The following DNAI7 variants were observed in gnomAD, a reference collection of about 807,000 sequenced individuals.
DNAI7 encodes cancer susceptibility 1.
In DNAI7, 78 loss-of-function variants were observed where a neutral mutation model predicts 86.6. The ratio of observed to expected loss-of-function variants is 0.90; its 90% CI spans 0.75 to 1.09. DNAI7 has a LOEUF of 1.09. DNAI7 is among the 50% of genes least tolerant of loss of function. The pLI is 0.00. For synonymous variants in DNAI7, 274 were observed against 273.0 expected (o/e 1.00, Z -0.04); for missense variants, 753 against 810.2 (o/e 0.93, Z 0.86).
intron 2 of DNAI7, among the ~76,000 whole-genome samples, chr12:25,174,489 C>CATATATATGGGATAT: frequency 1.4e-4 from 2 of 14,084 alleles, no homozygotes; most frequent in Non-Finnish European, 3.1e-4. Context: ...ATATATATAT[C>CATATATATGGGATAT]ATATATCCCA....
At chr12:25,164,331 G>A (rs368921886) in intron 2 of DNAI7, among the ~76,000 whole-genome samples, 27 of 151,560 alleles carry the variant, frequency 1.8e-4, no homozygotes, top group East Asian at 3.9e-4. Context: ...TTTCTGGGGC[G>A]CAAGAACCCC....
chr12:25,157,322 A>G (rs572281632), intron 4 of DNAI7, among the ~76,000 whole-genome samples: 19 of 151,768 alleles, frequency 1.3e-4, no homozygotes, highest in African/African-American at 3.9e-4. Flanking sequence ...ATCAAAGAAG[A>G]ATATCCACAA....
At chr12:25,190,687 A>G in intron 1 of DNAI7, 56 bp from the exon 2 acceptor site, 2 of 1,024,712 alleles carry the variant, frequency 2.0e-6, no homozygotes, top group Non-Finnish European at 1.4e-6. Flanking sequence ...CTGATACAAA[A>G]GTATCATGAT....
chr12:25,121,660 G>A, intron 11 of DNAI7, 93 bp downstream of exon 11: 4 of 1,061,238 alleles, frequency 3.8e-6, no homozygotes, highest in Non-Finnish European at 4.1e-6. Flanking sequence ...TGTTTAATAA[G>A]GTTAAAGCTT....
intron 13 of DNAI7, among the ~76,000 whole-genome samples, chr12:25,113,961 T>TC (rs1939535096): frequency 6.7e-6 from 1 of 148,932 alleles, no homozygotes. Context: ...TTTTTTTTTT[T>TC]TTGAGACAGA....
In DNAI7 at chr12:25,161,138, C is replaced by A. The variant is rs1197847921; in HGVS notation, c.81G>T (p.Glu27Asp). Residue 27 changes from glutamate to aspartate, a missense_variant, in exon 3 of 16, where the codon GAG becomes GAT. Physicochemically the swap from Glu to Asp is conservative, Grantham distance 45. Transcript: ENST00000395987. ...CTTCCTCTTTCAGTCGTCTCTCCTC[C>A]TCCTCTTGTAGCAGCTTCAATCGTT... ...KAERLKLLQE[E>D]EERRLKEEEE... The A allele has an allele frequency of 1.2e-6, 2 of 1,613,804 alleles. No individual in the cohort carries two copies. Among genetic ancestry groups the A allele is most frequent in the African/African-American group, 2.7e-5 (2 of 75,026 alleles).
At position 25,147,154 on chromosome 12, in the gene DNAI7, A is replaced by G. The variant is rs766550426; in HGVS notation, c.586-50T>C. On this transcript the variant is annotated intron_variant, in intron 7 of 15. Coordinates refer to ENST00000395987, the MANE Select transcript of DNAI7 (RefSeq NM_018272.5). ...TAAAGGGCCACAGGCCTCATAAATT[A>G]TACAAATTAGATAAGTTACTTTATC... is the stretch of plus-strand genomic sequence containing the variant. 4.4e-6 allele frequency: 4 copies of G among 901,780 alleles called. No homozygotes were observed. In the East Asian group the frequency reaches 9.7e-5, roughly 22 times the overall value. 55.9% of individuals were successfully genotyped at this position (901,780 alleles called of 1,614,324 possible). A position where few individuals can be genotyped will look rare whatever the true frequency, so the allele number is the denominator to read the frequency against.
chr12:25,143,001 A>G (rs1944389759), intron 9 of DNAI7, among the ~76,000 whole-genome samples: 1 of 152,088 alleles, frequency 6.6e-6, no homozygotes, highest in Non-Finnish European at 1.5e-5. Flanking sequence ...GAGAGTTCAC[A>G]TGAAATTTTT....
intron 2 of DNAI7, among the ~76,000 whole-genome samples, chr12:25,166,361 T>TC (rs1947465323): frequency 6.6e-6 from 1 of 152,036 alleles, no homozygotes; most frequent in African/African-American, 2.4e-5. Flanking sequence ...CCTCAATACC[T>TC]CCCTCCACAA....
chr12:25,157,316 A>G (rs968780421), intron 4 of DNAI7, among the ~76,000 whole-genome samples: 25 of 152,054 alleles, frequency 1.6e-4, no homozygotes, highest in African/African-American at 6.0e-4. Context: ...TACAGTATCA[A>G]AGAAGAATAT....
At chr12:25,152,823 G>A (rs1170373496) in intron 6 of DNAI7, among the ~76,000 whole-genome samples, 1 of 152,152 alleles carries the variant, frequency 6.6e-6, no homozygotes, top group Non-Finnish European at 1.5e-5. Context: ...TGGATAATTG[G>A]TTGGTGTGAG....
At chr12:25,108,945 A>G in intron 15 of DNAI7, 122 bp from the exon 16 acceptor site, 1 of 602,412 alleles carries the variant, frequency 1.7e-6, no homozygotes, top group Non-Finnish European at 2.8e-6. Context: ...TAAAAGAAAC[A>G]GTCTATGTGT....
intron 15 of DNAI7, among the ~76,000 whole-genome samples, chr12:25,109,674 A>T (rs1259083721): frequency 6.6e-6 from 1 of 152,178 alleles, no homozygotes; most frequent in African/African-American, 2.4e-5. Flanking sequence ...ATTTTTGACA[A>T]AAAATTTGAA....
chr12:25,116,432 CTGAAGT>C (rs1387592073), intron 12 of DNAI7, among the ~76,000 whole-genome samples: 16 of 152,046 alleles, frequency 1.1e-4, no homozygotes, highest in African/African-American at 3.6e-4. Flanking sequence ...TTTCTAATTA[CTGAAGT>C]TGTAGAGTGA....
chr12:25,115,150 C>T (rs1939814330), intron 12 of DNAI7, among the ~76,000 whole-genome samples: 1 of 152,178 alleles, frequency 6.6e-6, no homozygotes, highest in African/African-American at 2.4e-5. Context: ...TTTTCAGCCC[C>T]ACTTTTTTCT....
chr12:25,151,198 G>A (rs991328864), intron 6 of DNAI7, among the ~76,000 whole-genome samples: 17 of 152,150 alleles, frequency 1.1e-4, no homozygotes, highest in African/African-American at 4.1e-4. Context: ...GGGGTCTTGG[G>A]CAAGTTATTG....
At position 25,144,480 on chromosome 12, in the gene DNAI7, T is replaced by C; in HGVS notation, c.887A>G (p.Lys296Arg). ...LVKDDVKNVE[K>R]AISKEVEEES... ...TTCTTCGACCTCCTTGCTGATTGCT[T>C]TTTCTACATTCTTAACATCATCTTT... is the stretch of plus-strand genomic sequence containing the variant. The change falls in exon 9 of 16, where the codon AAA becomes AGA. Residue 296 changes from lysine (K) to arginine (R), a missense_variant. By Grantham distance (26) the Lys-to-Arg change is conservative (BLOSUM62 2). Transcript: ENST00000395987. The C allele has an allele frequency of 6.2e-7, 1 of 1,614,168 alleles. No homozygotes were observed. Among genetic ancestry groups the C allele is most frequent in the Non-Finnish European group, 8.5e-7 (1 of 1,180,014 alleles).
chr12:25,192,994 A>C (rs924522397), intron 1 of DNAI7, among the ~76,000 whole-genome samples: 2 of 151,924 alleles, frequency 1.3e-5, no homozygotes, highest in African/African-American at 4.8e-5. Context: ...AAAATTTAAA[A>C]ATTAGCTGGG....
chr12:25,165,021 G>T (rs1947295927), intron 2 of DNAI7, among the ~76,000 whole-genome samples: 1 of 152,104 alleles, frequency 6.6e-6, no homozygotes, highest in Non-Finnish European at 1.5e-5. Flanking sequence ...TCCCAAATCA[G>T]ATAGTGTTTA....
Sources: gnomAD v4.1 joint callset for allele counts (sites outside exome capture counted in the v4.1 genomes callset) on GRCh38, gnomAD v4.1.1 for gene constraint, MANE v1.5 for transcripts, NCBI Gene and HGNC (gene_info 2026-07-23, HGNC 2026-07-21) for gene names.